TBCD: variants seen among roughly 807,000 people sequenced by gnomAD.
The protein encoded by TBCD is tubulin-specific chaperone D.
A neutral mutation model predicts 169.3 loss-of-function variants in TBCD; 105 were observed. That is an observed-to-expected ratio of 0.62 (90% CI 0.53 to 0.73). TBCD has a LOEUF of 0.73. TBCD is among the 30% of genes least tolerant of loss of function. The pLI is 0.00. For missense variants in TBCD, 1,444 were observed against 1,600.1 expected (o/e 0.90, Z 1.66); for synonymous variants, 700 against 643.9 (o/e 1.09, Z -1.32).
rs925802551 is a variant in TBCD at position 82,874,768 on chromosome 17, G to T, written c.1475+4388G>T. ...CCTGCCCAGGAGCCCTGCGCACCCG[G>T]GTATCGGTTGGGGTGTGCCCTTCCA... On this transcript the variant is annotated intron_variant, in intron 14 of 38. Coordinates refer to ENST00000355528, the MANE Select transcript of TBCD (RefSeq NM_005993.5). The surrounding 1 kb of genome is among the most constrained non-coding windows in gnomAD (Gnocchi z 5.0). Among the ~76,000 whole-genome samples the T allele has an allele frequency of 7.9e-5, 12 of 152,328 alleles. No individual in the cohort carries two copies. Among genetic ancestry groups the T allele is most frequent in the African/African-American group, 2.9e-4 (12 of 41,576 alleles).
At chr17:82,854,502 G>A (rs566537961) in intron 13 of TBCD, among the ~76,000 whole-genome samples, 25 of 152,384 alleles carry the variant, frequency 1.6e-4, no homozygotes, top group Admixed American at 6.5e-4. Flanking sequence ...GCTCTGTGGT[G>A]TACAGATACT....
At chr17:82,799,628 C>T (rs2050357563) in intron 8 of TBCD, among the ~76,000 whole-genome samples, 1 of 152,210 alleles carries the variant, frequency 6.6e-6, no homozygotes, top group Non-Finnish European at 1.5e-5. Context: ...CTGCACCGCA[C>T]AGGAGGGACA....
At chr17:82,901,325 C>T (rs74000197) in intron 18 of TBCD, among the ~76,000 whole-genome samples, 4,123 of 152,328 alleles carry the variant, frequency 0.027, 192 homozygotes, top group African/African-American at 0.093. Context: ...GCACTCCTCA[C>T]GGAGCCTCGA....
chr17:82,780,406 C>T (rs187819974), intron 6 of TBCD, among the ~76,000 whole-genome samples: 12 of 152,146 alleles, frequency 7.9e-5, no homozygotes, highest in African/African-American at 2.4e-4. Context: ...GTGCCAGTCT[C>T]GATCATGGAG....
intron 14 of TBCD, among the ~76,000 whole-genome samples, chr17:82,879,494 C>A (rs755128862): frequency 2.6e-5 from 4 of 152,230 alleles, no homozygotes; most frequent in Non-Finnish European, 4.4e-5. Flanking sequence ...ATCCTCCTCA[C>A]CCTGGGCATA....
intron 15 of TBCD, among the ~76,000 whole-genome samples, chr17:82,887,231 C>T (rs1252179877): frequency 3.3e-5 from 5 of 151,900 alleles, no homozygotes; most frequent in South Asian, 2.1e-4. Flanking sequence ...TACAAATTCA[C>T]GTATCCACCA....
intron 23 of TBCD, chr17:82,918,437 G>C (rs533304685): frequency 6.6e-6 from 1 of 152,174 alleles, no homozygotes. Flanking sequence ...TTCTGTGAGC[G>C]TGGTGCCGAG....
chr17:82,892,283 G>C (rs1370096677), intron 16 of TBCD, among the ~76,000 whole-genome samples: 1 of 152,108 alleles, frequency 6.6e-6, no homozygotes, highest in Non-Finnish European at 1.5e-5. Context: ...GCATGGAGTT[G>C]TACCCCAGTG....
chr17:82,862,838 G>A (rs1201382960), intron 13 of TBCD, among the ~76,000 whole-genome samples: 1 of 152,206 alleles, frequency 6.6e-6, no homozygotes, highest in Non-Finnish European at 1.5e-5. Context: ...ACCCCAGGCC[G>A]GGGCCTCATT....
chr17:82,757,311 GT>G (rs962551549), intron 2 of TBCD, among the ~76,000 whole-genome samples: 7 of 151,234 alleles, frequency 4.6e-5, no homozygotes, highest in African/African-American at 1.7e-4. Flanking sequence ...ATCTTGTTCT[GT>G]TTTTTTTTCT....
In TBCD at chr17:82,832,506, G is replaced by T; in HGVS notation, c.1318+17572G>T. On this transcript the variant is annotated intron_variant, in intron 13 of 38. Coordinates refer to ENST00000355528, the MANE Select transcript of TBCD (RefSeq NM_005993.5). This position sits in a 1 kb window ranked among gnomAD's most constrained non-coding sequence, Gnocchi z 4.9. ...CTGTCCAGGTGGCGTGATCACTGTC[G>T]ACGCCGCGTGCACTTCGTGGTTTCT... 1 of 1,515,590 alleles carries T rather than the reference G, an allele frequency of 6.6e-7. No homozygotes were observed. Among genetic ancestry groups the T allele is most frequent in the Non-Finnish European group, 9.1e-7 (1 of 1,102,668 alleles). 93.9% of individuals were successfully genotyped at this position (1,515,590 alleles called of 1,614,324 possible).
chr17:82,773,594 C>T (rs1383715825), intron 6 of TBCD, among the ~76,000 whole-genome samples: 6 of 152,126 alleles, frequency 3.9e-5, no homozygotes, highest in Admixed American at 3.3e-4. Context: ...CCCCGCGGGG[C>T]GGCACCAACT....
chr17:82,775,582 C>T (rs577158471), intron 6 of TBCD, among the ~76,000 whole-genome samples: 2 of 152,140 alleles, frequency 1.3e-5, no homozygotes, highest in East Asian at 3.9e-4. Context: ...GTATCACTGG[C>T]GGCTCTACAG....
chr17:82,816,545 T>A (rs1292262463), intron 13 of TBCD, among the ~76,000 whole-genome samples: 1 of 152,166 alleles, frequency 6.6e-6, no homozygotes, highest in Non-Finnish European at 1.5e-5. Flanking sequence ...TTTTATCTTT[T>A]TTTTTTTGGA....
At chr17:82,854,669 TG>T (rs1297388669) in intron 13 of TBCD, among the ~76,000 whole-genome samples, 4 of 152,094 alleles carry the variant, frequency 2.6e-5, no homozygotes, top group Admixed American at 6.5e-5. Context: ...GTCAGACTGC[TG>T]GGGGGAGCTG....
intron 17 of TBCD, chr17:82,895,764 A>C (rs2059431582): frequency 6.6e-6 from 1 of 152,198 alleles, no homozygotes; most frequent in African/African-American, 2.4e-5. Context: ...CTCAGCTTGC[A>C]CGTGCTGGCC....
chr17:82,758,028 A>G (rs1171268283), intron 2 of TBCD, among the ~76,000 whole-genome samples: 1 of 152,220 alleles, frequency 6.6e-6, no homozygotes, highest in Non-Finnish European at 1.5e-5. Context: ...ATCATGGAAT[A>G]TTAACACTTG....
At chr17:82,803,994 G>GGCATCTTGCT (rs2050764498) in intron 9 of TBCD, among the ~76,000 whole-genome samples, 2 of 150,548 alleles carry the variant, frequency 1.3e-5, no homozygotes, top group Non-Finnish European at 3.0e-5. Flanking sequence ...TGGGGCGTTA[G>GGCATCTTGCT]GGGAGAGTGG....
At chr17:82,881,491 C>G (rs535712226) in intron 14 of TBCD, among the ~76,000 whole-genome samples, 1 of 152,166 alleles carries the variant, frequency 6.6e-6, no homozygotes, top group East Asian at 1.9e-4. Context: ...TCCTGACAGC[C>G]CCGCACCCGC....
Sources: allele counts gnomAD v4.1 joint callset (sites outside exome capture counted in the v4.1 genomes callset), GRCh38; gene constraint gnomAD v4.1.1; non-coding constraint Gnocchi (gnomAD v3.1); transcripts MANE v1.5; gene names NCBI Gene and HGNC (gene_info 2026-07-23, HGNC 2026-07-21).